The following PRKAA2 variants were observed in gnomAD, a reference collection of about 807,000 sequenced individuals.
The protein encoded by PRKAA2 is protein kinase AMP-activated catalytic subunit alpha 2.
In PRKAA2, 40 loss-of-function variants were observed where a neutral mutation model predicts 56.3. That is an observed-to-expected ratio of 0.71 (90% CI 0.55 to 0.92). The LOEUF (loss-of-function observed/expected upper bound fraction) is 0.92. Ranked by LOEUF, PRKAA2 falls within the 40% of genes least tolerant of loss-of-function variation. The pLI, the probability that PRKAA2 is intolerant of heterozygous loss-of-function variation, is 0.00. For synonymous variants in PRKAA2, 214 were observed against 234.2 expected (o/e 0.91, Z 0.79); for missense variants, 542 against 686.9 (o/e 0.79, Z 2.36).
rs764959702 is a variant in PRKAA2, at chr1:56,709,879, A to G, written c.*2166A>G. The stretch of plus-strand genomic sequence containing the variant: ...TTCTAATTCTTGCCAGTATTTATGA[A>G]CAGCTGTAGCTTGATATTTACCTAC... On this transcript the variant is annotated 3_prime_UTR_variant, in exon 9 of 9. Transcript: ENST00000371244. The G allele has an allele frequency of 6.6e-6, 1 of 152,156 alleles. No homozygotes were observed. The highest frequency in any genetic ancestry group is 2.4e-5 in the African/African-American group (1 of 41,454). 9.4% of individuals were successfully genotyped at this position (152,156 alleles called of 1,614,324 possible). A position where few individuals can be genotyped will look rare whatever the true frequency, so the allele number is the denominator to read the frequency against.
intron 1 of PRKAA2, among the ~76,000 whole-genome samples, chr1:56,654,817 C>T (rs1317370006): frequency 6.6e-6 from 1 of 151,970 alleles, no homozygotes; most frequent in African/African-American, 2.4e-5. Context: ...CAGTGTTTGC[C>T]TCTGATAAAT....
chr1:56,649,561 G>GA (rs1223485015), intron 1 of PRKAA2, among the ~76,000 whole-genome samples: 1 of 152,118 alleles, frequency 6.6e-6, no homozygotes, highest in Non-Finnish European at 1.5e-5. Context: ...TAGATAGATA[G>GA]TTAGATAAAT....
rs2100442123 is a variant in PRKAA2, at chr1:56,708,125, T to G, written c.*412T>G. On this transcript the variant is annotated 3_prime_UTR_variant, in exon 9 of 9. Coordinates refer to ENST00000371244, the MANE Select transcript of PRKAA2 (RefSeq NM_006252.4). Reference sequence around the variant, plus strand: ...AATTTCAGTAGGCTTTATGCTGTGTTTATGCCCCCAATTTATTTTAACAAA... The same window carrying G: ...AATTTCAGTAGGCTTTATGCTGTGTGTATGCCCCCAATTTATTTTAACAAA... 1 of 163,060 alleles carries G rather than the reference T, an allele frequency of 6.1e-6. No individual in the cohort carries two copies. The highest frequency in any genetic ancestry group is 1.3e-5 in the Non-Finnish European group (1 of 74,304). The allele number at this position is 163,060 out of a possible 1,614,324, so 10.1% of individuals were successfully genotyped here.
At chr1:56,701,264 G>A (rs10437072) in intron 6 of PRKAA2, among the ~76,000 whole-genome samples, 2,980 of 152,072 alleles carry the variant, frequency 0.02, 112 homozygotes, top group African/African-American at 0.068. Flanking sequence ...GTGTGGTGGT[G>A]TGCACCTGTA....
At chr1:56,688,783 T>C (rs1218855673) in intron 2 of PRKAA2, among the ~76,000 whole-genome samples, 1 of 152,182 alleles carries the variant, frequency 6.6e-6, no homozygotes, top group East Asian at 1.9e-4. Flanking sequence ...GAGATCATAT[T>C]TGTGTTTGAA....
At position 56,708,895 on chromosome 1, in the gene PRKAA2, T is replaced by A. The variant is rs984277056; in HGVS notation, c.*1182T>A. 6.6e-6 allele frequency: 1 copy of A among 152,074 alleles called. No individual in the cohort carries two copies. The highest frequency in any genetic ancestry group is 1.5e-5 in the Non-Finnish European group (1 of 68,012). 9.4% of individuals were successfully genotyped at this position (152,074 alleles called of 1,614,324 possible). A position where few individuals can be genotyped will look rare whatever the true frequency, so the allele number is the denominator to read the frequency against. ...AATTTTTATCTTAAATAAATAAATA[T>A]ATATATTCACACACCAGTGCTTTTA... On this transcript the variant is annotated 3_prime_UTR_variant, in exon 9 of 9. Transcript: ENST00000371244.
chr1:56,665,405 AG>A (rs1186011065), intron 1 of PRKAA2, among the ~76,000 whole-genome samples: 4 of 152,262 alleles, frequency 2.6e-5, no homozygotes, highest in African/African-American at 9.6e-5. Flanking sequence ...ACAATGTACG[AG>A]TACTTTTCTT....
intron 1 of PRKAA2, among the ~76,000 whole-genome samples, chr1:56,670,994 G>A (rs898816177): frequency 3.3e-5 from 5 of 152,066 alleles, no homozygotes; most frequent in African/African-American, 9.7e-5. Flanking sequence ...TATGATCAAC[G>A]TTTCTTGCAT....
intron 1 of PRKAA2, among the ~76,000 whole-genome samples, chr1:56,652,142 A>G (rs1643903532): frequency 6.7e-6 from 1 of 148,990 alleles, no homozygotes; most frequent in Admixed American, 6.7e-5. Context: ...CCTCCCGACT[A>G]GCTGGGACTA....
intron 8 of PRKAA2, among the ~76,000 whole-genome samples, chr1:56,706,880 A>G (rs1478466665): frequency 1.3e-5 from 2 of 152,142 alleles, no homozygotes; most frequent in East Asian, 3.9e-4. Flanking sequence ...AAGCATTTAA[A>G]TTTTACTCTT....
chr1:56,659,942 C>T (rs1643981143), intron 1 of PRKAA2, among the ~76,000 whole-genome samples: 1 of 152,104 alleles, frequency 6.6e-6, no homozygotes, highest in South Asian at 2.1e-4. Flanking sequence ...CAGCATATCA[C>T]ATAATTAAAG....
chr1:56,689,899 C>CACACAG (rs1644215901), intron 2 of PRKAA2, among the ~76,000 whole-genome samples: 1 of 3,030 alleles, frequency 3.3e-4, no homozygotes, highest in South Asian at 0.17. Flanking sequence ...GACACACAGA[C>CACACAG]ACACACACAC....
rs1644363477 is a variant in PRKAA2, at chr1:56,710,589, A to C, written c.*2876A>C. ...TCCATTTCTCTTACTGGTTGTTGGG[A>C]GAATCTGATTGAAAATTAGAATTAC... On this transcript the variant is annotated 3_prime_UTR_variant, in exon 9 of 9. Transcript: ENST00000371244. 1 of 152,126 alleles carries C rather than the reference A, an allele frequency of 6.6e-6. No individual in the cohort carries two copies. The highest frequency in any genetic ancestry group is 1.5e-5 in the Non-Finnish European group (1 of 67,986). 9.4% of individuals were successfully genotyped at this position (152,126 alleles called of 1,614,324 possible). A position where few individuals can be genotyped will look rare whatever the true frequency, so the allele number is the denominator to read the frequency against.
intron 2 of PRKAA2, among the ~76,000 whole-genome samples, chr1:56,681,161 A>G (rs1278838540): frequency 3.3e-5 from 5 of 152,198 alleles, no homozygotes; most frequent in Admixed American, 3.3e-4. Context: ...TCTTCTTTTG[A>G]GAAATGTCTG....
chr1:56,693,479 A>G (rs1644241250), intron 4 of PRKAA2, among the ~76,000 whole-genome samples: 1 of 152,142 alleles, frequency 6.6e-6, no homozygotes, highest in South Asian at 2.1e-4. Flanking sequence ...TGTTTGGGAA[A>G]GTTAATATGC....
At chr1:56,688,688 A>T (rs1474126723) in intron 2 of PRKAA2, among the ~76,000 whole-genome samples, 5 of 152,260 alleles carry the variant, frequency 3.3e-5, no homozygotes, top group African/African-American at 1.2e-4. Flanking sequence ...GGTGAGACCA[A>T]ACAACAGAGA....
chr1:56,662,910 T>C (rs911742095), intron 1 of PRKAA2, among the ~76,000 whole-genome samples: 1 of 152,146 alleles, frequency 6.6e-6, no homozygotes, highest in Non-Finnish European at 1.5e-5. Flanking sequence ...GGAGAAGGAC[T>C]CTTTGGTGAA....
intron 2 of PRKAA2, 84 bp from the exon 3 acceptor site, chr1:56,691,310 T>C: frequency 2.3e-6 from 2 of 851,576 alleles, no homozygotes; most frequent in Non-Finnish European, 3.6e-6. Context: ...CATTGAAATA[T>C]AAAATTGTAG....
At chr1:56,665,881 G>T (rs958177171) in intron 1 of PRKAA2, among the ~76,000 whole-genome samples, 2 of 152,000 alleles carry the variant, frequency 1.3e-5, no homozygotes, top group African/African-American at 4.8e-5. Context: ...ACCTTCTTTT[G>T]TAATGCCCGG....
Sources: allele counts gnomAD v4.1 joint callset (sites outside exome capture counted in the v4.1 genomes callset), GRCh38; gene constraint gnomAD v4.1.1; transcripts MANE v1.5; gene names NCBI Gene and HGNC (gene_info 2026-07-23, HGNC 2026-07-21).